Variants in PFN4 observed in about 807,000 individuals in gnomAD.
The protein encoded by PFN4 is profilin-4.
A neutral mutation model predicts 16.3 loss-of-function variants in PFN4; 10 were observed. The observed-to-expected ratio is 0.61, with a 90% CI of 0.38 to 1.04. The LOEUF (loss-of-function observed/expected upper bound fraction) is 1.04, where lower values mean the gene tolerates loss of function less well. PFN4 is among the 50% of genes least tolerant of loss of function. The pLI is 0.01. For missense variants in PFN4, 136 were observed against 153.6 expected, an observed-to-expected ratio of 0.89 and a Z score of 0.61; for synonymous variants, 54 against 56.9, an observed-to-expected ratio of 0.95 and a Z score of 0.23.
chr2:24,119,524 G>T, intron 4 of PFN4, 53 bp downstream of exon 4: 1 of 1,324,662 alleles, frequency 7.5e-7, no homozygotes, highest in South Asian at 1.3e-5. Context: ...ACTCGTAGTC[G>T]GAAGACCCAA....
intron 4 of PFN4, among the ~76,000 whole-genome samples, chr2:24,118,936 T>G (rs1385596445): frequency 6.6e-6 from 1 of 152,170 alleles, no homozygotes; most frequent in Non-Finnish European, 1.5e-5. Context: ...AATTTAGATT[T>G]TGAAAAATCT....
At chr2:24,115,663 C>G in intron 4 of PFN4, 52 bp from the exon 5 acceptor site, 1 of 1,562,782 alleles carries the variant, frequency 6.4e-7, no homozygotes, top group Non-Finnish European at 8.8e-7. Flanking sequence ...ATTATCACTA[C>G]AAATGATTCA....
intron 2 of PFN4, among the ~76,000 whole-genome samples, chr2:24,121,804 C>T (rs2151009053): frequency 6.6e-6 from 1 of 152,308 alleles, no homozygotes; most frequent in East Asian, 1.9e-4. Context: ...CTTGCTTCCT[C>T]TCCCCCACTG....
At chr2:24,116,404 C>G (rs1251306686) in intron 4 of PFN4, among the ~76,000 whole-genome samples, 2 of 152,144 alleles carry the variant, frequency 1.3e-5, no homozygotes, top group Non-Finnish European at 2.9e-5. Flanking sequence ...GTTGCCCACA[C>G]TGGGCTCAAA....
At chr2:24,116,639 G>A (rs1665927401) in intron 4 of PFN4, among the ~76,000 whole-genome samples, 1 of 152,152 alleles carries the variant, frequency 6.6e-6, no homozygotes, top group Admixed American at 6.5e-5. Flanking sequence ...CAGATCACTT[G>A]AAGTCAGGAG....
In PFN4 at chr2:24,122,691, T is replaced by C; in HGVS notation, c.-12-144A>G. Reference sequence around the variant, plus strand: ...GGTACAGGGTGAAAACGGTGGTCCATCATTCAGGGCCCACCAGTACCCAAA... The same window carrying C: ...GGTACAGGGTGAAAACGGTGGTCCACCATTCAGGGCCCACCAGTACCCAAA... On this transcript the variant is annotated intron_variant, in intron 1 of 4. Coordinates refer to ENST00000313213, the MANE Select transcript of PFN4 (RefSeq NM_199346.3). 5.2e-6 allele frequency: 3 copies of C among 577,986 alleles called. No homozygotes were observed. The South Asian group carries it at 7.3e-5, about 14-fold the overall frequency. The allele number at this position is 577,986 out of a possible 1,614,324, so 35.8% of individuals were successfully genotyped here.
intron 2 of PFN4, 100 bp from the exon 3 acceptor site, chr2:24,121,400 A>G: frequency 8.7e-7 from 1 of 1,146,920 alleles, no homozygotes; most frequent in Non-Finnish European, 1.2e-6. Context: ...CAAGCTAAGA[A>G]TGGTTTTCAT....
Position 24,123,120 on chromosome 2 carries a change from C to G in PFN4, c.-15G>C, listed in dbSNP as rs1215213466. 6.6e-6 allele frequency: 1 copy of G among 152,444 alleles called. No individual in the cohort carries two copies. Among genetic ancestry groups the G allele is most frequent in the Non-Finnish European group, 1.5e-5 (1 of 68,240 alleles). The allele number at this position is 152,444 out of a possible 1,614,324, so 9.4% of individuals were successfully genotyped here. On this transcript the variant is annotated splice_region_variant and 5_prime_UTR_variant, in exon 1 of 5. Transcript: ENST00000313213. ...CCTTGGACCCCCCTCATCAGGACCT[C>G]CGGCACAGGCGCCCGTTTCCCGCCA...
chr2:24,122,888 TAAAAACA>T (rs1666165820), intron 1 of PFN4: 1 of 174,254 alleles, frequency 5.7e-6, no homozygotes, highest in African/African-American at 2.4e-5. Flanking sequence ...AAATAAAAAA[TAAAAACA>T]AAAAACAAAA....
intron 2 of PFN4, 59 bp from the exon 3 acceptor site, chr2:24,121,359 A>C: frequency 6.5e-7 from 1 of 1,542,840 alleles, no homozygotes; most frequent in Non-Finnish European, 8.8e-7. Context: ...GGCCAGCCAA[A>C]TTTAGCCCAC....
rs748767829 is a variant in PFN4 at position 24,119,585 on chromosome 2, T to C, written c.353A>G (p.Glu118Gly). ...CTAGGAGGCCAACTTACCCAGGCTC[T>C]CTGTGGCTTCCACACAGATGCTAGG... Reference protein sequence around the residue: ...MYPSICVEATESLGDYLRKKG... With the variant: ...MYPSICVEATGSLGDYLRKKG... The change falls in exon 4 of 5, where the codon GAG becomes GGG. Residue 118 changes from glutamate (E) to glycine (G), a missense_variant. Coordinates refer to ENST00000313213, the MANE Select transcript of PFN4 (RefSeq NM_199346.3). The C allele has an allele frequency of 6.2e-7, 1 of 1,613,410 alleles. No individual in the cohort carries two copies. Among genetic ancestry groups the C allele is most frequent in the Non-Finnish European group, 8.5e-7 (1 of 1,179,570 alleles).
At chr2:24,122,753 C>G in intron 1 of PFN4, 1 of 441,956 alleles carries the variant, frequency 2.3e-6, no homozygotes, top group East Asian at 3.6e-5. Context: ...ACAGCTCACA[C>G]AGAATAGGTT....
At chr2:24,121,936 T>C (rs528074786) in intron 2 of PFN4, among the ~76,000 whole-genome samples, 25 of 152,204 alleles carry the variant, frequency 1.6e-4, no homozygotes, top group Non-Finnish European at 3.1e-4. Flanking sequence ...CTTTTCTTTA[T>C]AAATTACCCA....
intron 1 of PFN4, 109 bp from the exon 2 acceptor site, chr2:24,122,656 A>C (rs1244124008): frequency 1.4e-6 from 1 of 703,974 alleles, no homozygotes; most frequent in African/African-American, 1.8e-5. Context: ...CAGCAAGTGT[A>C]CTTTGAAAAG....
intron 3 of PFN4, among the ~76,000 whole-genome samples, chr2:24,120,614 G>A (rs558058540): frequency 1.3e-5 from 2 of 152,074 alleles, no homozygotes; most frequent in South Asian, 2.1e-4. Flanking sequence ...GGAGTGCAAT[G>A]GCACGATCTC....
rs762981258 is a variant in PFN4, at chr2:24,119,666, A to G, written c.272T>C (p.Val91Ala). ...AAGATACAGATGGGTCTTCACGACA[A>G]CCACACCAGTGTTCTCCTGTATAAA... ...LYAKNENTGVVVVKTHLYLLV... is the reference protein window; with the variant it reads ...LYAKNENTGVAVVKTHLYLLV... The change falls in exon 4 of 5, where the codon GTT (valine) becomes GCT (alanine). Residue 91 changes from valine to alanine, a missense_variant. Physicochemically the swap from Val to Ala is moderately conservative, Grantham distance 64. Coordinates refer to ENST00000313213, the MANE Select transcript of PFN4 (RefSeq NM_199346.3). 2.5e-6 allele frequency: 4 copies of G among 1,611,388 alleles called. No homozygotes were observed. The South Asian group carries it at 3.3e-5, about 13-fold the overall frequency.
intron 4 of PFN4, 113 bp from the exon 5 acceptor site, chr2:24,115,724 G>T: frequency 1.7e-6 from 2 of 1,172,248 alleles, no homozygotes; most frequent in East Asian, 2.4e-5. Flanking sequence ...CCATGTGCTA[G>T]GCACTGTGCT....
At chr2:24,121,444 A>G in intron 2 of PFN4, 144 bp from the exon 3 acceptor site, 1 of 728,472 alleles carries the variant, frequency 1.4e-6, no homozygotes, top group Non-Finnish European at 2.2e-6. Flanking sequence ...AAATCAAAAG[A>G]ATAACACTTC....
intron 4 of PFN4, among the ~76,000 whole-genome samples, chr2:24,116,289 C>T (rs1051824336): frequency 5.3e-5 from 8 of 151,966 alleles, no homozygotes; most frequent in Admixed American, 6.6e-5. Flanking sequence ...CATCCCACCA[C>T]AGCACTCCAG....
Sources: gnomAD v4.1 joint callset for allele counts (sites outside exome capture counted in the v4.1 genomes callset) on GRCh38, gnomAD v4.1.1 for gene constraint, MANE v1.5 for transcripts, NCBI Gene and HGNC (gene_info 2026-07-23, HGNC 2026-07-21) for gene names.